SRRM4: variants seen among roughly 807,000 people sequenced by gnomAD.
SRRM4 encodes serine/arginine repetitive matrix protein 4.
In SRRM4, 33 loss-of-function variants were observed where a neutral mutation model predicts 68.9. The ratio of observed to expected loss-of-function variants is 0.48; its 90% confidence interval spans 0.36 to 0.64. The LOEUF (loss-of-function observed/expected upper bound fraction) is 0.64, where lower values mean the gene tolerates loss of function less well. SRRM4 is among the 30% of genes least tolerant of loss of function. The pLI, the probability that SRRM4 is intolerant of heterozygous loss-of-function variation, is 0.00. For synonymous variants in SRRM4, 318 were observed against 318.8 expected, an observed-to-expected ratio of 1.00 and a Z score of 0.03; for missense variants, 817 against 827.1, an observed-to-expected ratio of 0.99 and a Z score of 0.15.
At chr12:119,053,127 C>T (rs1471399940) in intron 1 of SRRM4, among the ~76,000 whole-genome samples, 1 of 152,076 alleles carries the variant, frequency 6.6e-6, no homozygotes, top group African/African-American at 2.4e-5. Flanking sequence ...CTAATCTTCC[C>T]TTTTTTTAAC....
chr12:119,107,977 C>T (rs958030305), intron 2 of SRRM4, among the ~76,000 whole-genome samples: 2 of 152,216 alleles, frequency 1.3e-5, no homozygotes, highest in East Asian at 3.8e-4. Context: ...CCTCTACACA[C>T]TGCTTTAAAT....
At chr12:119,064,719 G>A (rs1042524456) in intron 1 of SRRM4, among the ~76,000 whole-genome samples, 12 of 152,142 alleles carry the variant, frequency 7.9e-5, no homozygotes, top group Admixed American at 2.0e-4. Context: ...AATGTACTTT[G>A]GAATGCAGAA....
At chr12:119,101,718 A>G (rs1954078790) in intron 1 of SRRM4, among the ~76,000 whole-genome samples, 1 of 152,122 alleles carries the variant, frequency 6.6e-6, no homozygotes, top group Non-Finnish European at 1.5e-5. Flanking sequence ...TAGTCCATAC[A>G]GAAATAAGGC....
rs562532920 is a variant in SRRM4, at chr12:119,162,444, G to A, written c.*5646G>A. The A allele has an allele frequency of 6.6e-6, 1 of 152,328 alleles. No individual in the cohort carries two copies. The highest frequency in any genetic ancestry group is 2.4e-5 in the African/African-American group (1 of 41,584). 9.4% of individuals were successfully genotyped at this position (152,328 alleles called of 1,614,324 possible). A position where few individuals can be genotyped will look rare whatever the true frequency, so the allele number is the denominator to read the frequency against. On this transcript the variant is annotated 3_prime_UTR_variant, in exon 13 of 13. Coordinates refer to ENST00000267260, the MANE Select transcript of SRRM4 (RefSeq NM_194286.4). ...TGGATTTAACCATTGTTCATTGTCA[G>A]GCTATATTTTTGTACAATCATTCAA...
At chr12:119,023,700 A>G (rs1953530227) in intron 1 of SRRM4, among the ~76,000 whole-genome samples, 1 of 152,218 alleles carries the variant, frequency 6.6e-6, no homozygotes, top group Non-Finnish European at 1.5e-5. Context: ...TTATCTTGCT[A>G]TCCAAGGTCT....
At chr12:119,110,234 T>C (rs1954133974) in intron 2 of SRRM4, among the ~76,000 whole-genome samples, 1 of 152,184 alleles carries the variant, frequency 6.6e-6, no homozygotes. Flanking sequence ...CAGTCAGCCC[T>C]TACTGGGAGG....
At position 118,981,543 on chromosome 12, in the gene SRRM4, G is replaced by T; in HGVS notation, c.-340G>T. 1 of 224,538 alleles carries T rather than the reference G, an allele frequency of 4.5e-6. No individual in the cohort carries two copies. Among genetic ancestry groups the T allele is most frequent in the Non-Finnish European group, 8.8e-6 (1 of 114,236 alleles). 13.9% of individuals were successfully genotyped at this position (224,538 alleles called of 1,614,324 possible). ...CCCGGGCGCGCCGGAGCTCACACGC[G>T]CACGCACACACATCCGACCCCGTCG... On this transcript the variant is annotated 5_prime_UTR_variant, in exon 1 of 13. Coordinates refer to ENST00000267260, the MANE Select transcript of SRRM4 (RefSeq NM_194286.4).
chr12:119,033,261 A>C (rs1373859668), intron 1 of SRRM4, among the ~76,000 whole-genome samples: 1 of 152,186 alleles, frequency 6.6e-6, no homozygotes, highest in Non-Finnish European at 1.5e-5. Flanking sequence ...ATTTTGCCAC[A>C]TTTGCTTCAT....
At chr12:119,005,155 C>T (rs1403984001) in intron 1 of SRRM4, among the ~76,000 whole-genome samples, 3 of 152,208 alleles carry the variant, frequency 2.0e-5, no homozygotes, top group Non-Finnish European at 4.4e-5. Context: ...CAGGAACAGA[C>T]TGCTTCTGGA....
chr12:119,086,324 T>C (rs1158883757), intron 1 of SRRM4, among the ~76,000 whole-genome samples: 1 of 152,190 alleles, frequency 6.6e-6, no homozygotes, highest in African/African-American at 2.4e-5. Context: ...GGCTGAGAGA[T>C]GTCTGATCCA....
In SRRM4 at chr12:118,981,746, A is replaced by T; in HGVS notation, c.-137A>T. 17 of 759,958 alleles carry T rather than the reference A, an allele frequency of 2.2e-5. No individual in the cohort carries two copies. The highest frequency in any genetic ancestry group is 2.8e-5 in the Non-Finnish European group (14 of 502,910). 47.1% of individuals were successfully genotyped at this position (759,958 alleles called of 1,614,324 possible). The stretch of plus-strand genomic sequence containing the variant: ...CTGGGGCGTCCCATCCCCCGCCCTG[A>T]ACTCCGATCTCTCCCACCCCACCCC... On this transcript the variant is annotated 5_prime_UTR_variant, in exon 1 of 13. Transcript: ENST00000267260.
intron 6 of SRRM4, among the ~76,000 whole-genome samples, chr12:119,123,744 G>A (rs1954238518): frequency 6.6e-6 from 1 of 152,212 alleles, no homozygotes; most frequent in Non-Finnish European, 1.5e-5. Flanking sequence ...CTAGGCAAGT[G>A]GCTGCTGGAG....
At chr12:119,032,027 T>G (rs1953594972) in intron 1 of SRRM4, among the ~76,000 whole-genome samples, 1 of 152,258 alleles carries the variant, frequency 6.6e-6, no homozygotes. Context: ...GATTACTATC[T>G]AAAGTTCATT....
intron 7 of SRRM4, among the ~76,000 whole-genome samples, chr12:119,127,215 T>C (rs1487716381): frequency 6.6e-6 from 1 of 151,972 alleles, no homozygotes; most frequent in African/African-American, 2.4e-5. Context: ...ATAATAATAA[T>C]AAATAAATTT....
intron 9 of SRRM4, among the ~76,000 whole-genome samples, chr12:119,146,215 C>T (rs903352273): frequency 6.6e-6 from 1 of 152,094 alleles, no homozygotes; most frequent in Non-Finnish European, 1.5e-5. Flanking sequence ...CAGGAAAAGC[C>T]AGGTTATTGG....
chr12:119,065,258 C>T (rs940713078), intron 1 of SRRM4, among the ~76,000 whole-genome samples: 2 of 152,194 alleles, frequency 1.3e-5, no homozygotes, highest in African/African-American at 4.8e-5. Context: ...TGGTTGGGAA[C>T]ACACTGTTCT....
chr12:118,993,363 T>C (rs1488515211), intron 1 of SRRM4, among the ~76,000 whole-genome samples: 5 of 152,236 alleles, frequency 3.3e-5, no homozygotes, highest in Non-Finnish European at 7.3e-5. Context: ...CATCATGCCT[T>C]CTTCAACTGC....
chr12:119,085,944 C>T (rs895033312), intron 1 of SRRM4, among the ~76,000 whole-genome samples: 1 of 152,064 alleles, frequency 6.6e-6, no homozygotes, highest in African/African-American at 2.4e-5. Flanking sequence ...GCAGGTAACA[C>T]GTTGACGTTT....
intron 1 of SRRM4, among the ~76,000 whole-genome samples, chr12:119,043,540 T>C (rs1953683305): frequency 6.6e-6 from 1 of 151,756 alleles, no homozygotes; most frequent in African/African-American, 2.4e-5. Flanking sequence ...ATCCCAGAAC[T>C]TAATAAAATA....
Sources: gnomAD v4.1 joint callset for allele counts (sites outside exome capture counted in the v4.1 genomes callset) on GRCh38, gnomAD v4.1.1 for gene constraint, MANE v1.5 for transcripts, NCBI Gene and HGNC (gene_info 2026-07-23, HGNC 2026-07-21) for gene names.